The following HNRNPDL variants were observed in gnomAD, a reference collection of about 807,000 sequenced individuals.
HNRNPDL encodes heterogeneous nuclear ribonucleoprotein D like.
A neutral mutation model predicts 48.0 loss-of-function variants in HNRNPDL; 18 were observed. That is an observed-to-expected ratio of 0.38 (90% CI 0.26 to 0.56). The LOEUF (loss-of-function observed/expected upper bound fraction) is 0.56. Among genes scored for constraint, HNRNPDL ranks in the 20% least tolerant of loss-of-function variants. The pLI is 0.77. For missense variants in HNRNPDL, 553 were observed against 540.7 expected, an observed-to-expected ratio of 1.02 and a Z score of -0.23; for synonymous variants, 306 against 207.3, an observed-to-expected ratio of 1.48 and a Z score of -4.09.
At position 82,424,046 on chromosome 4, in the gene HNRNPDL, A is replaced by C. The variant is rs1721311854; in HGVS notation, c.*860T>G. On this transcript the variant is annotated 3_prime_UTR_variant, in exon 8 of 8. Transcript: ENST00000295470. ...CTAAATCTTATTTTGCCACTATTTT[A>C]ATTTTTCGACCAAACTCATACCTTT... The C allele has an allele frequency of 1.3e-5, 2 of 152,108 alleles. No individual in the cohort carries two copies. Among genetic ancestry groups the C allele is most frequent in the Admixed American group, 1.3e-4 (2 of 15,272 alleles). 9.4% of individuals were successfully genotyped at this position (152,108 alleles called of 1,614,324 possible).
intron 1 of HNRNPDL, 87 bp downstream of exon 1, chr4:82,429,158 AAAG>A: frequency 8.1e-7 from 1 of 1,234,584 alleles, no homozygotes; most frequent in Non-Finnish European, 1.2e-6. Flanking sequence ...CGACTCTGAG[AAAG>A]AATGGGGGCA....
At chr4:82,428,879 CTA>C (rs1721539184) in intron 1 of HNRNPDL, among the ~76,000 whole-genome samples, 1 of 152,236 alleles carries the variant, frequency 6.6e-6, no homozygotes, top group Admixed American at 6.5e-5. Context: ...ACTCAGTCCT[CTA>C]AAACTCTTCC....
At position 82,423,172 on chromosome 4, in the gene HNRNPDL, A is replaced by T. The variant is rs780259027; in HGVS notation, c.*1734T>A. On this transcript the variant is annotated 3_prime_UTR_variant, in exon 8 of 8. Coordinates refer to ENST00000295470, the MANE Select transcript of HNRNPDL (RefSeq NM_031372.4). ...CTCTAGATGTAGTGTATTTTTTCTC[A>T]GTCATACATATCAAGACTTGATTAA... 9 of 152,202 alleles carry T rather than the reference A, an allele frequency of 5.9e-5. No individual in the cohort carries two copies. Among genetic ancestry groups the T allele is most frequent in the Non-Finnish European group, 1.3e-4 (9 of 68,042 alleles). The allele number at this position is 152,202 out of a possible 1,614,324, so 9.4% of individuals were successfully genotyped here. A position where few individuals can be genotyped will look rare whatever the true frequency, so the allele number is the denominator to read the frequency against.
chr4:82,427,481 T>C lies in HNRNPDL; in HGVS notation c.858A>G (p.Pro286=), dbSNP rs762011185. The C allele has an allele frequency of 5.0e-6, 8 of 1,610,910 alleles. No homozygotes were observed. The highest frequency in any genetic ancestry group is 4.0e-5 in the African/African-American group (3 of 74,836). ...ATCTGCTTTCTAACAATTTTTTTAC[T>C]GGCTCTTCATCAGTATATGTGATAA... ...FCFITYTDEE[P]VKKLLESRYH... Residue 286 remains proline (P), a synonymous_variant, in exon 4 of 8, where the codon CCA becomes CCG. Coordinates refer to ENST00000295470, the MANE Select transcript of HNRNPDL (RefSeq NM_031372.4).
In HNRNPDL at chr4:82,429,784, T is replaced by G; in HGVS notation, c.-94A>C. On this transcript the variant is annotated 5_prime_UTR_variant, in exon 1 of 8. Coordinates refer to ENST00000295470, the MANE Select transcript of HNRNPDL (RefSeq NM_031372.4). ...GAAGAGAAAAACGAAGGGGCGTAAA[T>G]TCCTGGGGTCAGCAGTCCCGAGCAG... The G allele has an allele frequency of 2.0e-6, 2 of 1,003,272 alleles. No homozygotes were observed. Among genetic ancestry groups the G allele is most frequent in the Non-Finnish European group, 2.6e-6 (2 of 755,814 alleles). The allele number at this position is 1,003,272 out of a possible 1,614,324, so 62.1% of individuals were successfully genotyped here. A position where few individuals can be genotyped will look rare whatever the true frequency, so the allele number is the denominator to read the frequency against.
rs1225669879 is a variant in HNRNPDL, at chr4:82,430,166, A to C, written c.-476T>G. The C allele has an allele frequency of 3.3e-5, 5 of 152,138 alleles. No individual in the cohort carries two copies. The highest frequency in any genetic ancestry group is 1.3e-4 in the Admixed American group (2 of 15,272). 9.4% of individuals were successfully genotyped at this position (152,138 alleles called of 1,614,324 possible). A position where few individuals can be genotyped will look rare whatever the true frequency, so the allele number is the denominator to read the frequency against. ...CACTGTGACCACGGGCGCGCGGGCC[A>C]AGGGGGCGCGGCGGGGCCTCCCGGG... On this transcript the variant is annotated 5_prime_UTR_variant, in exon 1 of 8. Transcript: ENST00000295470.
intron 6 of HNRNPDL, 114 bp from the exon 7 acceptor site, chr4:82,426,243 T>A (rs1328485187): frequency 9.7e-7 from 1 of 1,031,922 alleles, no homozygotes; most frequent in Non-Finnish European, 1.5e-6. Flanking sequence ...TATTAAGATA[T>A]TTTAGCACCC....
At chr4:82,427,935 T>C (rs899713572) in intron 3 of HNRNPDL, 83 bp downstream of exon 3, 8 of 1,316,712 alleles carry the variant, frequency 6.1e-6, no homozygotes, top group Non-Finnish European at 8.5e-6. Context: ...ACAGGAAACA[T>C]GAATCTGCCC....
rs1033919871 is a variant in HNRNPDL, at chr4:82,430,089, G to A, written c.-399C>T. On this transcript the variant is annotated 5_prime_UTR_variant, in exon 1 of 8. Coordinates refer to ENST00000295470, the MANE Select transcript of HNRNPDL (RefSeq NM_031372.4). ...CGAGCTGGCAGGAACCAGCCGAACA[G>A]GAAGCGGGCGCGCGACGGCTCCTCC... is the stretch of plus-strand genomic sequence containing the variant. 2 of 154,744 alleles carry A rather than the reference G, an allele frequency of 1.3e-5. No homozygotes were observed. The highest frequency in any genetic ancestry group is 4.8e-5 in the African/African-American group (2 of 41,566). 9.6% of individuals were successfully genotyped at this position (154,744 alleles called of 1,614,324 possible).
rs61729823 is a variant in HNRNPDL, at chr4:82,429,566, A to G, written c.125T>C (p.Leu42Pro). The part of the protein sequence containing the change: ...PRPPRQLAPL[L>P]PSLAPSSARQ... ...GGCGGAGCTGGGAGCGAGCGAAGGG[A>G]GGAGCGGGGCTAGCTGCCGCGGCGG... Residue 42 changes from leucine (L) to proline (P), a missense_variant, in exon 1 of 8, where the codon CTC (leucine) becomes CCC (proline). Physicochemically the swap from Leu to Pro is moderately conservative, Grantham distance 98. This residue lies in a region of HNRNPDL where 327 missense variants were observed against 203.2 expected (regional missense o/e 1.61). Coordinates refer to ENST00000295470, the MANE Select transcript of HNRNPDL (RefSeq NM_031372.4). The G allele has an allele frequency of 5.3e-3, 7,560 of 1,426,772 alleles. 25 individuals are homozygous for G. The highest frequency in any genetic ancestry group is 5.8e-3 in the Non-Finnish European group (6,374 of 1,095,396). The allele number at this position is 1,426,772 out of a possible 1,614,324, so 88.4% of individuals were successfully genotyped here. A position where few individuals can be genotyped will look rare whatever the true frequency, so the allele number is the denominator to read the frequency against.
chr4:82,425,916 T>G, intron 7 of HNRNPDL, 121 bp downstream of exon 7: 1 of 670,854 alleles, frequency 1.5e-6, no homozygotes, highest in Non-Finnish European at 2.6e-6. Flanking sequence ...ATAAAGCAAT[T>G]AAAAAATCAA....
intron 7 of HNRNPDL, chr4:82,425,370 T>C (rs2110026821): frequency 6.6e-6 from 1 of 152,382 alleles, no homozygotes; most frequent in South Asian, 2.1e-4. Context: ...GGCTCCACAA[T>C]TGAAATACAA....
rs1037007101 is a variant in HNRNPDL at position 82,424,730 on chromosome 4, A to T, written c.*176T>A. 6 of 152,646 alleles carry T rather than the reference A, an allele frequency of 3.9e-5. No individual in the cohort carries two copies. The highest frequency in any genetic ancestry group is 1.4e-4 in the African/African-American group (6 of 41,462). The allele number at this position is 152,646 out of a possible 1,614,324, so 9.5% of individuals were successfully genotyped here. ...TCATAACACAGATAGCAAAGGACAA[A>T]GTAAAAACAAAGAAAACTAATTGGC... On this transcript the variant is annotated 3_prime_UTR_variant, in exon 8 of 8. Transcript: ENST00000295470.
Position 82,425,966 on chromosome 4 carries a change from C to A in HNRNPDL, c.*22+71G>T, listed in dbSNP as rs1003317726. The A allele has an allele frequency of 5.8e-6, 6 of 1,039,254 alleles. No individual in the cohort carries two copies. The African/African-American group carries it at 9.5e-5, about 16-fold the overall frequency. The allele number at this position is 1,039,254 out of a possible 1,614,324, so 64.4% of individuals were successfully genotyped here. A position where few individuals can be genotyped will look rare whatever the true frequency, so the allele number is the denominator to read the frequency against. ...CAGGCTACATAGTATTTTGTTTTTA[C>A]GTTTCATTTGTCTATTGATCTTTAA... On this transcript the variant is annotated intron_variant, in intron 7 of 7. Transcript: ENST00000295470.
At chr4:82,426,854 A>C (rs1721432122) in intron 5 of HNRNPDL, among the ~76,000 whole-genome samples, 1 of 152,166 alleles carries the variant, frequency 6.6e-6, no homozygotes, top group East Asian at 1.9e-4. Flanking sequence ...AAAATCATTC[A>C]ATTTTCCATT....
At position 82,426,654 on chromosome 4, in the gene HNRNPDL, T is replaced by C. The variant is rs185521781; in HGVS notation, c.1022-21A>G. The stretch of plus-strand genomic sequence containing the variant: ...CTGACCTGAAACAATGCACAATGAT[T>C]GTTAGGAAACAACTTCTGACCCCCA... On this transcript the variant is annotated intron_variant, in intron 5 of 7. Transcript: ENST00000295470. 1.5e-5 allele frequency: 24 copies of C among 1,608,856 alleles called. No individual in the cohort carries two copies. The Admixed American group carries it at 3.8e-4, about 26-fold the overall frequency.
At chr4:82,425,014 G>C (rs1721361249) in intron 7 of HNRNPDL, 131 bp from the exon 8 acceptor site, 1 of 152,044 alleles carries the variant, frequency 6.6e-6, no homozygotes, top group Non-Finnish European at 1.5e-5. Flanking sequence ...CATATTTATT[G>C]GTAAAATACA....
intron 6 of HNRNPDL, 72 bp from the exon 7 acceptor site, chr4:82,426,201 A>C (rs1245934799): frequency 7.7e-7 from 1 of 1,297,862 alleles, no homozygotes; most frequent in Non-Finnish European, 1.1e-6. Flanking sequence ...CAAACTATTA[A>C]ATCTACAAAT....
Position 82,428,268 on chromosome 4 carries a change from T to C in HNRNPDL, c.612+10A>G, listed in dbSNP as rs369292383. On this transcript the variant is annotated intron_variant, in intron 2 of 7. Transcript: ENST00000295470. ...CACAAAAGCAGCACAATGCAAAACA[T>C]AGTTCCTACCTTATCAACACTAGCA... 10 of 1,610,338 alleles carry C rather than the reference T, an allele frequency of 6.2e-6. No individual in the cohort carries two copies. Among genetic ancestry groups the C allele is most frequent in the African/African-American group, 5.3e-5 (4 of 74,950 alleles).
Sources: allele counts gnomAD v4.1 joint callset (sites outside exome capture counted in the v4.1 genomes callset), GRCh38; gene constraint gnomAD v4.1.1; regional missense constraint gnomAD v4.1.1; transcripts MANE v1.5; gene names NCBI Gene and HGNC (gene_info 2026-07-23, HGNC 2026-07-21).